The following PRKACA variants were observed in gnomAD, a reference collection of about 807,000 sequenced individuals.
PRKACA encodes cAMP-dependent protein kinase catalytic subunit alpha.
A neutral mutation model predicts 45.8 loss-of-function variants in PRKACA; 9 were observed. The observed-to-expected ratio is 0.20, with a 90% CI of 0.12 to 0.34. The LOEUF (loss-of-function observed/expected upper bound fraction) is 0.34. Among genes scored for constraint, PRKACA ranks in the 10% least tolerant of loss-of-function variants. PRKACA has a pLI of 1.00. For synonymous variants in PRKACA, 160 were observed against 178.6 expected, an observed-to-expected ratio of 0.90 and a Z score of 0.83; for missense variants, 238 against 458.6, an observed-to-expected ratio of 0.52 and a Z score of 4.39.
intron 2 of PRKACA, 65 bp from the exon 3 acceptor site, chr19:14,106,953 GGGGCATCCCCTCTGCCACC>G: frequency 4.4e-6 from 7 of 1,588,676 alleles, no homozygotes; most frequent in Non-Finnish European, 6.0e-6. Context: ...GCTAAGGTCT[GGGGCATCCCCTCTGCCACC>G]GGCAGAGGGG....
chr19:14,103,767 A>T (rs988769111), intron 3 of PRKACA, among the ~76,000 whole-genome samples: 10 of 152,200 alleles, frequency 6.6e-5, no homozygotes, highest in African/African-American at 2.4e-4. Flanking sequence ...TAAAATATAA[A>T]TTAAAAAACT....
chr19:14,109,827 A>G (rs953996936), intron 1 of PRKACA, among the ~76,000 whole-genome samples: 4 of 140,022 alleles, frequency 2.9e-5, no homozygotes, highest in Non-Finnish European at 6.1e-5. Context: ...AATCCCAGCT[A>G]TTTGGGAGGC....
intron 8 of PRKACA, 141 bp from the exon 9 acceptor site, chr19:14,093,933 C>T (rs1977170412): frequency 3.6e-6 from 3 of 825,876 alleles, no homozygotes; most frequent in Non-Finnish European, 5.5e-6. Flanking sequence ...AAAACAGCTC[C>T]TTGAGCCTAC....
intron 2 of PRKACA, among the ~76,000 whole-genome samples, 195 bp from the exon 3 acceptor site, chr19:14,107,083 G>A (rs1427812191): frequency 1.3e-5 from 2 of 151,968 alleles, no homozygotes; most frequent in Non-Finnish European, 2.9e-5. Context: ...GGCCAGATCC[G>A]GCCCTGGCCT....
chr19:14,095,886 AC>A (rs942812979), intron 8 of PRKACA, among the ~76,000 whole-genome samples: 15 of 151,786 alleles, frequency 9.9e-5, no homozygotes, highest in African/African-American at 3.1e-4. Context: ...TTTTTAAAAG[AC>A]AGGGTCTGGC....
At chr19:14,115,716 GT>G (rs1967091486) in intron 1 of PRKACA, among the ~76,000 whole-genome samples, 2 of 152,078 alleles carry the variant, frequency 1.3e-5, no homozygotes, top group Non-Finnish European at 2.9e-5. Flanking sequence ...CCTTTTTCTT[GT>G]GTGGCTTTCC....
intron 8 of PRKACA, among the ~76,000 whole-genome samples, chr19:14,094,495 T>C (rs746763228): frequency 1.3e-5 from 2 of 152,236 alleles, no homozygotes; most frequent in Non-Finnish European, 2.9e-5. Flanking sequence ...GGCCCAAGAA[T>C]CTGCATTTCT....
At chr19:14,114,125 C>T (rs1967050401) in intron 1 of PRKACA, 7 of 1,610,442 alleles carry the variant, frequency 4.3e-6, no homozygotes, top group Non-Finnish European at 5.9e-6. Flanking sequence ...TAACAGGACT[C>T]AGCCTCACCA....
chr19:14,104,041 A>G lies in PRKACA; in HGVS notation c.238-1127T>C, dbSNP rs551098075. On this transcript the variant is annotated intron_variant, in intron 3 of 9. Coordinates refer to ENST00000308677, the MANE Select transcript of PRKACA (RefSeq NM_002730.4). ...GGCAACAGAGCAAGACCCTGTCTCA[A>G]AAACAAAACAACCAGGCCGGGTACG... 5.9e-5 allele frequency among the ~76,000 whole-genome samples: 9 copies of G among 151,744 alleles called. 2 individuals carry two copies. The highest frequency in any genetic ancestry group is 2.2e-4 in the African/African-American group (9 of 41,324).
Position 14,114,090 on chromosome 19 carries a change from G to C in PRKACA, c.46+3412C>G, listed in dbSNP as rs772074744. 1.9e-6 allele frequency: 3 copies of C among 1,593,674 alleles called. No individual in the cohort carries two copies. In the South Asian group the frequency reaches 3.4e-5, roughly 18 times the overall value. On this transcript the variant is annotated intron_variant, in intron 1 of 9. Transcript: ENST00000308677. Reference sequence around the variant, plus strand: ...CAGCCCCTCCCTGACTTAAGGGGCAGAGTGTGCCTAGGAAGTTGCTATAGT... The same window carrying C: ...CAGCCCCTCCCTGACTTAAGGGGCACAGTGTGCCTAGGAAGTTGCTATAGT...
At chr19:14,111,214 A>G (rs1402861806) in intron 1 of PRKACA, among the ~76,000 whole-genome samples, 1 of 152,232 alleles carries the variant, frequency 6.6e-6, no homozygotes, top group Non-Finnish European at 1.5e-5. Context: ...CCTGACCAAC[A>G]TGGAGAAACC....
At chr19:14,109,218 C>G (rs1289548242) in intron 1 of PRKACA, among the ~76,000 whole-genome samples, 1 of 151,494 alleles carries the variant, frequency 6.6e-6, no homozygotes, top group African/African-American at 2.4e-5. Context: ...CACGGTGGGT[C>G]ACACCTATAA....
intron 3 of PRKACA, 28 bp downstream of exon 3, chr19:14,106,718 AGGCCTGACAGGCAG>A: frequency 6.2e-7 from 1 of 1,612,466 alleles, no homozygotes; most frequent in East Asian, 2.2e-5. Flanking sequence ...GTCCAGGCAA[AGGCCTGACAGGCAG>A]GCCCTGAGCG....
At position 14,100,927 on chromosome 19, in the gene PRKACA, G is replaced by C. The variant is rs767326111; in HGVS notation, c.337-19C>G. 3.1e-6 allele frequency: 5 copies of C among 1,610,652 alleles called. No individual in the cohort carries two copies. In the Admixed American group the frequency reaches 6.7e-5, roughly 21 times the overall value. The stretch of plus-strand genomic sequence containing the variant: ...AGTTGTCCTGTGGGAAGCAGTGGCT[G>C]GTCAAGGGCCCACCCCTGAGACTTG... On this transcript the variant is annotated intron_variant, in intron 4 of 9. Transcript: ENST00000308677.
chr19:14,113,009 C>T (rs1002391407), intron 1 of PRKACA, among the ~76,000 whole-genome samples: 2 of 152,156 alleles, frequency 1.3e-5, no homozygotes, highest in Admixed American at 1.3e-4. Flanking sequence ...CCCTGAACTC[C>T]CTTTCAATGT....
chr19:14,094,185 GAAAAAAAAAAAAAA>G (rs940405502), intron 8 of PRKACA, among the ~76,000 whole-genome samples: 14 of 58,916 alleles, frequency 2.4e-4, no homozygotes, highest in Non-Finnish European at 3.5e-4. Flanking sequence ...TTCTTTTTTT[GAAAAAAAAAAAAAA>G]AAAAAAAAAA....
At chr19:14,108,030 G>T in intron 1 of PRKACA, 2 of 986,024 alleles carry the variant, frequency 2.0e-6, no homozygotes, top group Non-Finnish European at 2.4e-6. Flanking sequence ...CCCTGTGCCG[G>T]CTGCTGTCTA....
At chr19:14,098,939 TGAA>T (rs1368260922) in intron 5 of PRKACA, among the ~76,000 whole-genome samples, 3 of 152,136 alleles carry the variant, frequency 2.0e-5, no homozygotes, top group Admixed American at 2.0e-4. Flanking sequence ...CATGGAACAT[TGAA>T]GAACTGTGCA....
chr19:14,092,756 C>T lies in PRKACA; in HGVS notation c.*356G>A, dbSNP rs1416736171. On this transcript the variant is annotated 3_prime_UTR_variant, in exon 10 of 10. Transcript: ENST00000308677. Reference sequence around the variant, plus strand: ...GGAGTTAAGCGTGAGCCCCTCTTTCCATACCCTGTCCCTGGATACACCAGC... The same window carrying T: ...GGAGTTAAGCGTGAGCCCCTCTTTCTATACCCTGTCCCTGGATACACCAGC... The T allele has an allele frequency of 1.9e-5, 8 of 417,668 alleles. No individual in the cohort carries two copies. The highest frequency in any genetic ancestry group is 3.4e-5 in the Non-Finnish European group (8 of 235,462). The allele number at this position is 417,668 out of a possible 1,614,324, so 25.9% of individuals were successfully genotyped here.
Sources: gnomAD v4.1 joint callset for allele counts (sites outside exome capture counted in the v4.1 genomes callset) on GRCh38, gnomAD v4.1.1 for gene constraint, MANE v1.5 for transcripts, NCBI Gene and HGNC (gene_info 2026-07-23, HGNC 2026-07-21) for gene names.